The following FGGY variants were observed in gnomAD, a reference collection of about 807,000 sequenced individuals.
FGGY encodes the protein FGGY carbohydrate kinase domain containing, also known as FGGY carbohydrate kinase domain-containing protein.
Under a neutral mutation model 71.3 loss-of-function variants are expected in FGGY, and 72 were observed. That is an observed-to-expected ratio of 1.01 (90% CI 0.84 to 1.23). The LOEUF is 1.23. Among genes scored for constraint, FGGY ranks in the 50% most tolerant of loss-of-function variants. The pLI is 0.00. For missense variants in FGGY, 668 were observed against 682.3 expected, an observed-to-expected ratio of 0.98 and a Z score of 0.23; for synonymous variants, 251 against 250.3, an observed-to-expected ratio of 1.00 and a Z score of -0.02.
At chr1:59,588,675 T>C (rs2096363119) in intron 8 of FGGY, among the ~76,000 whole-genome samples, 1 of 152,180 alleles carries the variant, frequency 6.6e-6, no homozygotes, top group South Asian at 2.1e-4. Flanking sequence ...CAGAATTTCA[T>C]ATCCAGCCAA....
At position 59,412,449 on chromosome 1, in the gene FGGY, C is replaced by A. The variant is rs76513443; in HGVS notation, c.554+33612C>A. Among the ~76,000 whole-genome samples the A allele has an allele frequency of 1.2e-3, 178 of 152,164 alleles. 3 individuals are homozygous for A. In the East Asian group the frequency reaches 0.031, roughly 27 times the overall value. ...ATACCACAACTTCATCTTGCCTCCC[C>A]CTCCTTATTATTTGTTTTATTCCCT... On this transcript the variant is annotated intron_variant, in intron 5 of 15. Coordinates refer to ENST00000303721, the MANE Select transcript of FGGY (RefSeq NM_018291.5).
chr1:59,456,479 C>T (rs2091707330), intron 5 of FGGY, among the ~76,000 whole-genome samples: 1 of 144,514 alleles, frequency 6.9e-6, no homozygotes, highest in Non-Finnish European at 1.5e-5. Context: ...GACAGAGTCT[C>T]ACCCTGTTGC....
rs112609844 is a variant in FGGY at position 59,699,790 on chromosome 1, C to T, written c.1512+25657C>T. Among the ~76,000 whole-genome samples, 233 of 152,312 alleles carry T rather than the reference C, an allele frequency of 1.5e-3. 1 individual carries two copies. The highest frequency in any genetic ancestry group is 5.4e-3 in the African/African-American group (224 of 41,572). On this transcript the variant is annotated intron_variant, in intron 14 of 15. Coordinates refer to ENST00000303721, the MANE Select transcript of FGGY (RefSeq NM_018291.5). ...TTGCCTGCTGTTCTTGCCTTTGTAA[C>T]AGGCATGTCCCGCGTTGATTGCAGA... is the stretch of plus-strand genomic sequence containing the variant.
rs944935121 is a variant in FGGY at position 59,490,501 on chromosome 1, T to C, written c.671-21810T>C. 7.5e-4 allele frequency among the ~76,000 whole-genome samples: 114 copies of C among 152,242 alleles called. 1 individual carries two copies. Among genetic ancestry groups the C allele is most frequent in the Admixed American group, 7.4e-3 (113 of 15,280 alleles). ...ACTGTGTTGATTGTTTCCTTTGCTG[T>C]GCAGAAGCTTGTTAGTTTGACATAA... is the stretch of plus-strand genomic sequence containing the variant. On this transcript the variant is annotated intron_variant, in intron 6 of 15. Coordinates refer to ENST00000303721, the MANE Select transcript of FGGY (RefSeq NM_018291.5).
chr1:59,555,766 G>A (rs991926130), intron 8 of FGGY, among the ~76,000 whole-genome samples: 5 of 152,240 alleles, frequency 3.3e-5, no homozygotes, highest in East Asian at 3.9e-4. Flanking sequence ...TTGGGAGGCC[G>A]AGGTGGGTGG....
At chr1:59,360,760 A>G (rs1227538675) in intron 4 of FGGY, among the ~76,000 whole-genome samples, 1 of 152,214 alleles carries the variant, frequency 6.6e-6, no homozygotes, top group Non-Finnish European at 1.5e-5. Context: ...CTAAGAGTGA[A>G]GGGAAATGGA....
At chr1:59,517,204 A>C (rs897180282) in intron 7 of FGGY, among the ~76,000 whole-genome samples, 3 of 150,714 alleles carry the variant, frequency 2.0e-5, no homozygotes, top group Non-Finnish European at 1.5e-5. Context: ...CTGCCCTGAA[A>C]GGCAATAACA....
chr1:59,537,214 G>T (rs1297520228), intron 7 of FGGY, among the ~76,000 whole-genome samples: 4 of 151,294 alleles, frequency 2.6e-5, no homozygotes, highest in Non-Finnish European at 2.9e-5. Context: ...CAGACAAACA[G>T]AGATCCAAAT....
intron 4 of FGGY, among the ~76,000 whole-genome samples, chr1:59,372,114 G>A (rs138295126): frequency 0.037 from 5,622 of 152,214 alleles, 251 homozygotes; most frequent in African/African-American, 0.11. Flanking sequence ...AAAAGTTAAT[G>A]AATCCAGGAG....
intron 3 of FGGY, 115 bp downstream of exon 3, chr1:59,340,184 G>C: frequency 1.5e-6 from 1 of 674,940 alleles, no homozygotes; most frequent in Non-Finnish European, 2.6e-6. Context: ...AAATTTAGAG[G>C]TAGAGTGAAG....
At chr1:59,731,162 G>T (rs924643029) in intron 14 of FGGY, among the ~76,000 whole-genome samples, 1 of 152,180 alleles carries the variant, frequency 6.6e-6, no homozygotes, top group African/African-American at 2.4e-5. Flanking sequence ...TTGCTCTATT[G>T]TTGTTCATTT....
rs835435 is a variant in FGGY, at chr1:59,378,799, G to C, written c.516G>C (p.Pro172=). ...WDKAGHFFDL[P]DFLSWKATGV... ...AGGCGGGACATTTCTTTGATCTCCC[G>C]GACTTCTTATCGTGGAAGGCAACAG... Residue 172 remains proline, a synonymous_variant, in exon 5 of 16, where the codon CCG becomes CCC. Transcript: ENST00000303721. The C allele has an allele frequency of 4.3e-6, 7 of 1,613,052 alleles. No homozygotes were observed. Among genetic ancestry groups the C allele is most frequent in the Non-Finnish European group, 4.2e-6 (5 of 1,179,486 alleles).
intron 8 of FGGY, among the ~76,000 whole-genome samples, chr1:59,564,901 G>T (rs116391666): frequency 0.016 from 2,471 of 152,288 alleles, 28 homozygotes; most frequent in Non-Finnish European, 0.025. Context: ...CTATCAGATG[G>T]CCTGAGCCCA....
intron 7 of FGGY, among the ~76,000 whole-genome samples, chr1:59,533,725 C>A (rs12065325): frequency 0.026 from 3,952 of 152,286 alleles, 178 homozygotes; most frequent in African/African-American, 0.091. Flanking sequence ...AGGCACCCCC[C>A]AGCAGGGGCA....
Position 59,588,994 on chromosome 1 carries a change from T to C in FGGY, c.904-18809T>C, listed in dbSNP as rs896121853. The stretch of plus-strand genomic sequence containing the variant: ...GCTCCAATTAAAAGACACAGTCTGG[T>C]AAATTGGATAAAGAGTCAAGACCCA... On this transcript the variant is annotated intron_variant, in intron 8 of 15. Transcript: ENST00000303721. Among the ~76,000 whole-genome samples the C allele has an allele frequency of 7.2e-5, 11 of 152,272 alleles. No homozygotes were observed. The East Asian group carries it at 1.7e-3, about 24-fold the overall frequency.
intron 8 of FGGY, among the ~76,000 whole-genome samples, chr1:59,595,334 CAGTA>C (rs753382367): frequency 4.6e-5 from 7 of 151,756 alleles, no homozygotes; most frequent in Non-Finnish European, 7.4e-5. Context: ...AAAAAAATGA[CAGTA>C]AGAGCAATTA....
At chr1:59,669,850 C>T (rs191535237) in intron 13 of FGGY, among the ~76,000 whole-genome samples, 40 of 152,298 alleles carry the variant, frequency 2.6e-4, no homozygotes, top group East Asian at 7.7e-4. Context: ...ACTGACTCCG[C>T]GCTGCAGCCC....
chr1:59,733,340 T>C (rs1282061589), intron 14 of FGGY: 1 of 154,044 alleles, frequency 6.5e-6, no homozygotes, highest in African/African-American at 2.4e-5. Context: ...CTCGGGAAAC[T>C]GGGTGATGTC....
intron 11 of FGGY, among the ~76,000 whole-genome samples, chr1:59,658,782 T>G (rs1293574671): frequency 1.3e-5 from 2 of 152,074 alleles, no homozygotes; most frequent in Non-Finnish European, 2.9e-5. Flanking sequence ...CTGTCAGCAA[T>G]TAGGAAGGAC....
Sources: allele counts gnomAD v4.1 joint callset (sites outside exome capture counted in the v4.1 genomes callset), GRCh38; gene constraint gnomAD v4.1.1; transcripts MANE v1.5; gene names NCBI Gene and HGNC (gene_info 2026-07-23, HGNC 2026-07-21).